The following ANXA9 variants were observed in gnomAD, a reference collection of about 807,000 sequenced individuals.
ANXA9 encodes annexin A9, also known as annexin 31.
A neutral mutation model predicts 51.8 loss-of-function variants in ANXA9; 47 were observed. The ratio of observed to expected loss-of-function variants is 0.91; its 90% CI spans 0.72 to 1.16. The LOEUF (loss-of-function observed/expected upper bound fraction) is 1.16, where lower values mean the gene tolerates loss of function less well. Among genes scored for constraint, ANXA9 ranks in the 50% most tolerant of loss-of-function variants. The pLI is 0.00. For synonymous variants in ANXA9, 154 were observed against 168.7 expected, an observed-to-expected ratio of 0.91 and a Z score of 0.68; for missense variants, 361 against 424.7, an observed-to-expected ratio of 0.85 and a Z score of 1.32.
At chr1:150,978,346 C>T (rs1671369051), upstream of ANXA9, among the ~76,000 whole-genome samples, 2 of 152,230 alleles carry the variant, frequency 1.3e-5, no homozygotes, top group African/African-American at 4.8e-5. Context: ...AGGAGAATCA[C>T]TTGAACCTGG....
chr1:150,979,166 T>TCA (rs1671377581), upstream of ANXA9, among the ~76,000 whole-genome samples: 3 of 150,630 alleles, frequency 2.0e-5, no homozygotes, highest in African/African-American at 7.3e-5. Flanking sequence ...TGTGAACGCA[T>TCA]CACACACACA....
At chr1:150,990,720 C>T (rs587722313) in intron 12 of ANXA9, among the ~76,000 whole-genome samples, 208 of 152,202 alleles carry the variant, frequency 1.4e-3, no homozygotes, top group African/African-American at 3.9e-3. Context: ...TAGTGGTGAG[C>T]GCCTGTAATC....
At chr1:150,987,763 C>A in intron 9 of ANXA9, 109 bp from the exon 10 acceptor site, 1 of 883,502 alleles carries the variant, frequency 1.1e-6, no homozygotes, top group Non-Finnish European at 1.8e-6. Flanking sequence ...CACCCTCAAT[C>A]CCATTTCCAT....
intron 12 of ANXA9, 143 bp from the exon 13 acceptor site, chr1:150,994,434 T>C (rs1671782024): frequency 7.6e-7 from 1 of 1,310,194 alleles, no homozygotes; most frequent in Admixed American, 2.3e-5. Flanking sequence ...ATAACTTTTG[T>C]CCCGAGATAA....
At chr1:150,977,692 A>G (rs587670311), upstream of ANXA9, among the ~76,000 whole-genome samples, 1 of 152,336 alleles carries the variant, frequency 6.6e-6, no homozygotes, top group Admixed American at 6.5e-5. Flanking sequence ...ACTGAAGCCT[A>G]TTTGGGTAAG....
upstream of ANXA9, among the ~76,000 whole-genome samples, chr1:150,977,436 A>G (rs922803715): frequency 3.3e-5 from 5 of 152,052 alleles, no homozygotes; most frequent in Non-Finnish European, 5.9e-5. Context: ...TGTGATCACC[A>G]CCCTTCCAAC....
intron 12 of ANXA9, among the ~76,000 whole-genome samples, chr1:150,990,428 G>A (rs1230038760): frequency 2.0e-5 from 3 of 151,994 alleles, no homozygotes; most frequent in Admixed American, 2.0e-4. Context: ...GTGCAGTGGC[G>A]TGATCTCAGC....
chr1:150,988,218 T>G, intron 11 of ANXA9, 32 bp downstream of exon 11: 1 of 1,613,956 alleles, frequency 6.2e-7, no homozygotes, highest in Non-Finnish European at 8.5e-7. Context: ...GTGAAGTAAG[T>G]CTCTCTTGGG....
intron 7 of ANXA9, among the ~76,000 whole-genome samples, chr1:150,985,194 A>T (rs35478266): frequency 0.38 from 51,719 of 134,792 alleles, 9,499 homozygotes; most frequent in African/African-American, 0.51. Context: ...TCTCTCTCAC[A>T]CACACACACA....
At chr1:150,985,787 C>T (rs1304378240) in intron 7 of ANXA9, among the ~76,000 whole-genome samples, 27 of 152,050 alleles carry the variant, frequency 1.8e-4, no homozygotes, top group Non-Finnish European at 8.8e-5. Flanking sequence ...AGGCTGGTCT[C>T]GAACTTCTGG....
Position 150,983,497 on chromosome 1 carries a change from A to T in ANXA9, c.172+63A>T, listed in dbSNP as rs1036151216. 7.0e-5 allele frequency: 102 copies of T among 1,451,378 alleles called. 1 individual carries two copies. Among genetic ancestry groups the T allele is most frequent in the Non-Finnish European group, 9.1e-5 (97 of 1,065,510 alleles). The allele number at this position is 1,451,378 out of a possible 1,614,324, so 89.9% of individuals were successfully genotyped here. A position where few individuals can be genotyped will look rare whatever the true frequency, so the allele number is the denominator to read the frequency against. On this transcript the variant is annotated intron_variant, in intron 4 of 13. Transcript: ENST00000368947. ...AGAGCCAATCTGTAGACCAAGGAGG[A>T]GCCAGGAAGGAGGAACTAGTGATGT...
At chr1:150,979,682 T>C (rs979406486), upstream of ANXA9, among the ~76,000 whole-genome samples, 4 of 152,162 alleles carry the variant, frequency 2.6e-5, no homozygotes, top group Admixed American at 2.6e-4. Context: ...CGCCCTCTTG[T>C]GGCCATTTTG....
intron 12 of ANXA9, among the ~76,000 whole-genome samples, chr1:150,989,843 A>G (rs901769223): frequency 2.8e-4 from 43 of 152,308 alleles, no homozygotes; most frequent in African/African-American, 1.0e-3. Context: ...TACTTGCCCA[A>G]TAAAGCCTGT....
At chr1:150,993,198 C>A (rs1439554795) in intron 12 of ANXA9, among the ~76,000 whole-genome samples, 8 of 151,456 alleles carry the variant, frequency 5.3e-5, no homozygotes, top group Non-Finnish European at 1.2e-4. Flanking sequence ...AAAAAAAAAA[C>A]ACAGGAATTT....
chr1:150,988,526 G>A (rs1473109849), intron 12 of ANXA9, among the ~76,000 whole-genome samples, 185 bp downstream of exon 12: 2 of 152,196 alleles, frequency 1.3e-5, no homozygotes, highest in African/African-American at 4.8e-5. Flanking sequence ...AACTAACTTA[G>A]TTGGCTCCCA....
intron 10 of ANXA9, 32 bp from the exon 11 acceptor site, chr1:150,988,059 C>G: frequency 6.2e-7 from 1 of 1,613,990 alleles, no homozygotes; most frequent in Non-Finnish European, 8.5e-7. Flanking sequence ...AATCCCCCAT[C>G]CATCTTTCTA....
upstream of ANXA9, among the ~76,000 whole-genome samples, chr1:150,977,653 G>GT (rs1407135681): frequency 2.6e-5 from 4 of 152,232 alleles, no homozygotes; most frequent in African/African-American, 9.6e-5. Context: ...TGGAAGGTAG[G>GT]TTTTTTCAGG....
At chr1:150,995,165 A>G in intron 13 of ANXA9, 95 bp from the exon 14 acceptor site, 2 of 1,286,174 alleles carry the variant, frequency 1.6e-6, no homozygotes, top group Non-Finnish European at 1.1e-6. Flanking sequence ...CTTCCCTCCC[A>G]GATGAACTGT....
chr1:150,992,671 G>C (rs1018429812), intron 12 of ANXA9, among the ~76,000 whole-genome samples: 1 of 152,088 alleles, frequency 6.6e-6, no homozygotes, highest in African/African-American at 2.4e-5. Context: ...TTAGCTGGGC[G>C]TTTGGCACAT....
Sources: gnomAD v4.1 joint callset for allele counts (sites outside exome capture counted in the v4.1 genomes callset) on GRCh38, gnomAD v4.1.1 for gene constraint, MANE v1.5 for transcripts, NCBI Gene and HGNC (gene_info 2026-07-23, HGNC 2026-07-21) for gene names.